RABGAP1L: variants seen among roughly 807,000 people sequenced by gnomAD.
RABGAP1L encodes RAB GTPase activating protein 1 like, also known as rab GTPase-activating protein 1-like.
Under a neutral mutation model 137.7 loss-of-function variants are expected in RABGAP1L, and 63 were observed. The observed-to-expected ratio is 0.46, with a 90% CI of 0.37 to 0.56. The LOEUF is 0.56. Ranked by LOEUF, RABGAP1L falls within the 20% of genes least tolerant of loss-of-function variation. The probability of loss-of-function intolerance (pLI) is 0.00; values close to 1 mark genes in which losing one functional copy is unlikely to be tolerated. For missense variants in RABGAP1L, 1,095 were observed against 1,244.0 expected (o/e 0.88, Z 1.80); for synonymous variants, 431 against 433.7 (o/e 0.99, Z 0.08).
intron 7 of RABGAP1L, among the ~76,000 whole-genome samples, chr1:174,271,247 T>G (rs1348109987): frequency 2.6e-5 from 4 of 152,130 alleles, no homozygotes; most frequent in African/African-American, 7.2e-5. Flanking sequence ...CAAGTGATCC[T>G]CAAGAACTTA....
intron 1 of RABGAP1L, among the ~76,000 whole-genome samples, chr1:174,174,516 C>G (rs1030367295): frequency 1.3e-5 from 2 of 152,252 alleles, no homozygotes; most frequent in Non-Finnish European, 1.5e-5. Flanking sequence ...CGTCTGCAAA[C>G]TAGGGAACTA....
At chr1:174,411,606 T>C (rs1649936488) in intron 13 of RABGAP1L, among the ~76,000 whole-genome samples, 1 of 152,120 alleles carries the variant, frequency 6.6e-6, no homozygotes, top group Non-Finnish European at 1.5e-5. Flanking sequence ...TTTCCATCTA[T>C]GTTCACTAGG....
chr1:174,787,184 C>T (rs1687506689), intron 18 of RABGAP1L, among the ~76,000 whole-genome samples: 1 of 152,048 alleles, frequency 6.6e-6, no homozygotes, highest in African/African-American at 2.4e-5. Context: ...GGGTGGATCA[C>T]CTGAGGTCAG....
At chr1:174,600,949 A>G (rs768044022) in intron 13 of RABGAP1L, among the ~76,000 whole-genome samples, 1 of 152,206 alleles carries the variant, frequency 6.6e-6, no homozygotes, top group Non-Finnish European at 1.5e-5. Context: ...GAGGTTCCCC[A>G]TGAGGGCCCC....
At chr1:174,468,353 A>G (rs1657533546) in intron 13 of RABGAP1L, among the ~76,000 whole-genome samples, 2 of 152,170 alleles carry the variant, frequency 1.3e-5, no homozygotes, top group African/African-American at 4.8e-5. Context: ...ACTAGAAGAG[A>G]GTTTTGCTTG....
chr1:174,989,438 C>G (rs899498171), intron 25 of RABGAP1L, among the ~76,000 whole-genome samples: 1 of 152,202 alleles, frequency 6.6e-6, no homozygotes, highest in East Asian at 1.9e-4. Context: ...TGTGTCTGCT[C>G]TGACCTTGGA....
chr1:174,184,667 TG>T (rs1317329266), intron 1 of RABGAP1L, among the ~76,000 whole-genome samples: 1 of 152,106 alleles, frequency 6.6e-6, no homozygotes, highest in Non-Finnish European at 1.5e-5. Flanking sequence ...CCAGACAAAT[TG>T]GGGCTTTGCA....
chr1:174,584,349 G>C (rs767736238), intron 13 of RABGAP1L, among the ~76,000 whole-genome samples: 15 of 152,146 alleles, frequency 9.9e-5, no homozygotes, highest in Non-Finnish European at 2.1e-4. Flanking sequence ...CCCTGTTTGT[G>C]CTTTTTACTG....
intron 13 of RABGAP1L, among the ~76,000 whole-genome samples, chr1:174,479,609 G>A (rs767539656): frequency 1.3e-5 from 2 of 152,190 alleles, no homozygotes; most frequent in African/African-American, 2.4e-5. Context: ...AAAGGAGATT[G>A]CTTTGAATGC....
intron 19 of RABGAP1L, among the ~76,000 whole-genome samples, chr1:174,859,659 G>A (rs4651162): frequency 0.012 from 1,840 of 152,098 alleles, 27 homozygotes; most frequent in African/African-American, 0.042. Flanking sequence ...TGGTCACACA[G>A]AGGGGAGCAA....
intron 13 of RABGAP1L, among the ~76,000 whole-genome samples, chr1:174,598,472 C>G (rs1670151087): frequency 6.6e-6 from 1 of 151,960 alleles, no homozygotes; most frequent in Non-Finnish European, 1.5e-5. Context: ...ATTTTTCAGT[C>G]TGGATGATCT....
At chr1:174,193,404 T>G (rs533928596) in intron 1 of RABGAP1L, among the ~76,000 whole-genome samples, 2 of 152,082 alleles carry the variant, frequency 1.3e-5, no homozygotes, top group Non-Finnish European at 2.9e-5. Flanking sequence ...TGGTGGTGCA[T>G]GCCTGTAATC....
chr1:174,279,022 T>C (rs1675257656), intron 10 of RABGAP1L, among the ~76,000 whole-genome samples: 1 of 152,196 alleles, frequency 6.6e-6, no homozygotes, highest in African/African-American at 2.4e-5. Context: ...GTATGAACCT[T>C]CTTAACAGAA....
chr1:174,569,380 A>G (rs1667816646), intron 13 of RABGAP1L, among the ~76,000 whole-genome samples: 1 of 152,172 alleles, frequency 6.6e-6, no homozygotes, highest in Non-Finnish European at 1.5e-5. Flanking sequence ...ATCTTAGATC[A>G]TGAAGGCCAG....
At chr1:174,159,817 G>T (rs1664265880) in intron 1 of RABGAP1L, 160 bp downstream of exon 1, 1 of 152,464 alleles carries the variant, frequency 6.6e-6, no homozygotes, top group African/African-American at 2.4e-5. Context: ...GGTAAGGAGG[G>T]TAGGGGGCGG....
chr1:174,769,839 C>T (rs1325296332), intron 18 of RABGAP1L, among the ~76,000 whole-genome samples: 1 of 151,632 alleles, frequency 6.6e-6, no homozygotes, highest in African/African-American at 2.4e-5. Flanking sequence ...GGCGACAGAG[C>T]AAGACTCCGT....
chr1:174,804,281 G>GTGTTTTTTTTGT (rs1553254980), intron 18 of RABGAP1L, among the ~76,000 whole-genome samples: 8 of 139,292 alleles, frequency 5.7e-5, no homozygotes, highest in African/African-American at 2.1e-4. Context: ...TTTGTTTTTT[G>GTGTTTTTTTTGT]TTTTTTTTTT....
At chr1:174,805,420 G>T (rs1486263943) in intron 18 of RABGAP1L, among the ~76,000 whole-genome samples, 4 of 152,204 alleles carry the variant, frequency 2.6e-5, no homozygotes, top group Non-Finnish European at 5.9e-5. Flanking sequence ...TTATTTAAAA[G>T]GATTTGTCAG....
intron 11 of RABGAP1L, among the ~76,000 whole-genome samples, chr1:174,329,039 C>CAAA (rs59672024): frequency 0.039 from 5,241 of 132,778 alleles, 308 homozygotes; most frequent in African/African-American, 0.13. Context: ...CTTAAAAATA[C>CAAA]AAAAAAAAAA....
Sources: allele counts gnomAD v4.1 joint callset (sites outside exome capture counted in the v4.1 genomes callset), GRCh38; gene constraint gnomAD v4.1.1; transcripts MANE v1.5; gene names NCBI Gene and HGNC (gene_info 2026-07-23, HGNC 2026-07-21).